The following ATR variants were observed in gnomAD, a reference collection of about 807,000 sequenced individuals.
ATR encodes the protein serine/threonine-protein kinase ATR.
A neutral mutation model predicts 305.3 loss-of-function variants in ATR; 142 were observed. The ratio of observed to expected loss-of-function variants is 0.47; its 90% CI spans 0.41 to 0.53. The LOEUF (loss-of-function observed/expected upper bound fraction) is 0.53. Ranked by LOEUF, ATR falls within the 20% of genes least tolerant of loss-of-function variation. The probability of loss-of-function intolerance (pLI) is 0.00; values close to 1 mark genes in which losing one functional copy is unlikely to be tolerated. For missense variants in ATR, 2,135 were observed against 3,133.1 expected (o/e 0.68, Z 7.60); for synonymous variants, 1,050 against 1,068.1 (o/e 0.98, Z 0.33).
chr3:142,511,046 C>G (rs2032527700), intron 27 of ATR, among the ~76,000 whole-genome samples: 1 of 151,928 alleles, frequency 6.6e-6, no homozygotes, highest in Non-Finnish European at 1.5e-5. Flanking sequence ...TCAAACACTA[C>G]TAGAGACAAG....
chr3:142,503,286 A>C, intron 30 of ATR, 76 bp downstream of exon 30: 1 of 1,023,958 alleles, frequency 9.8e-7, no homozygotes, highest in East Asian at 2.5e-5. Context: ...ACTAAACATT[A>C]AATTACCCAA....
chr3:142,568,254 A>G (rs2035138616), intron 1 of ATR, 100 bp from the exon 2 acceptor site: 2 of 837,928 alleles, frequency 2.4e-6, no homozygotes, highest in Admixed American at 2.1e-5. Context: ...GTTCAGTGTC[A>G]ATGTTGATAT....
In ATR at chr3:142,453,119, TCTA is replaced by T. The variant is rs1458639306; in HGVS notation, c.7761+6_7761+8del. 3 of 1,613,960 alleles carry T rather than the reference TCTA, an allele frequency of 1.9e-6. No homozygotes were observed. Among genetic ancestry groups the T allele is most frequent in the Non-Finnish European group, 1.7e-6 (2 of 1,179,994 alleles). On this transcript the variant is annotated splice_donor_region_variant and intron_variant, in intron 46 of 46. Coordinates refer to ENST00000350721, the MANE Select transcript of ATR (RefSeq NM_001184.4). The stretch of plus-strand genomic sequence containing the variant: ...CTACAGCCCATATCAAGCTATACCT[TCTA>T]CTAACCTTTTCATTGACAACTTCTC...
chr3:142,550,411 G>T, intron 13 of ATR, 109 bp from the exon 14 acceptor site: 1 of 1,180,424 alleles, frequency 8.5e-7, no homozygotes, highest in Non-Finnish European at 1.2e-6. Context: ...TACATTATCT[G>T]AATTGGTCCA....
Position 142,449,616 on chromosome 3 carries a change from A to G in ATR, c.7762-14T>C, listed in dbSNP as rs1025202518. The G allele has an allele frequency of 6.2e-7, 1 of 1,613,046 alleles. No homozygotes were observed. Among genetic ancestry groups the G allele is most frequent in the African/African-American group, 1.3e-5 (1 of 74,904 alleles). On this transcript the variant is annotated splice_polypyrimidine_tract_variant and intron_variant, in intron 46 of 46. Transcript: ENST00000350721. ...ATGGGTCTTGGCCTAAAAAGAAGAA[A>G]CATAAAACCAAAAACAGATGTTAAT...
At chr3:142,541,144 C>T in intron 17 of ATR, 110 bp from the exon 18 acceptor site, 1 of 1,336,394 alleles carries the variant, frequency 7.5e-7, no homozygotes, top group Non-Finnish European at 1.1e-6. Context: ...CATCTATTCT[C>T]AGATAATACA....
At chr3:142,450,566 C>G in intron 46 of ATR, 1 of 1,607,714 alleles carries the variant, frequency 6.2e-7, no homozygotes, top group Non-Finnish European at 8.5e-7. Context: ...GAAGCACAAA[C>G]TTCACGTTAC....
At chr3:142,510,733 A>C (rs1290641775) in intron 27 of ATR, among the ~76,000 whole-genome samples, 2 of 152,190 alleles carry the variant, frequency 1.3e-5, no homozygotes, top group Non-Finnish European at 2.9e-5. Context: ...GCCTGAAGGA[A>C]AAATACTTGA....
chr3:142,541,744 A>C (rs1052659508), intron 17 of ATR, among the ~76,000 whole-genome samples: 6 of 152,182 alleles, frequency 3.9e-5, no homozygotes, highest in Non-Finnish European at 8.8e-5. Context: ...AAACAATAGG[A>C]AAGAAGCCAT....
chr3:142,523,889 T>C (rs988615121), intron 22 of ATR, 104 bp downstream of exon 22: 2 of 1,211,302 alleles, frequency 1.7e-6, no homozygotes, highest in Non-Finnish European at 2.3e-6. Context: ...TGGTTCTAGG[T>C]GAAGCTTTTA....
intron 8 of ATR, 146 bp downstream of exon 8, chr3:142,558,478 C>T (rs1337546852): frequency 7.3e-5 from 50 of 687,856 alleles, no homozygotes; most frequent in Non-Finnish European, 9.0e-5. Context: ...GCCGAGATTG[C>T]GCCACTGCAC....
rs2108276346 is a variant in ATR, at chr3:142,468,071, G to A, written c.6553-3C>T. 1.2e-6 allele frequency: 2 copies of A among 1,611,540 alleles called. No individual in the cohort carries two copies. Among genetic ancestry groups the A allele is most frequent in the Non-Finnish European group, 1.7e-6 (2 of 1,178,912 alleles). On this transcript the variant is annotated splice_region_variant and splice_polypyrimidine_tract_variant and intron_variant, in intron 38 of 46. Coordinates refer to ENST00000350721, the MANE Select transcript of ATR (RefSeq NM_001184.4). ...TTCACACGCATGGGATAAGATGACT[G>A]TCATAAAAAAGAGTTAAATGTCATA...
chr3:142,528,430 T>A (rs1399756327), intron 21 of ATR, among the ~76,000 whole-genome samples: 1 of 152,132 alleles, frequency 6.6e-6, no homozygotes, highest in Non-Finnish European at 1.5e-5. Flanking sequence ...ATTATGGCAT[T>A]AAGCATTAAA....
chr3:142,550,160 T>C lies in ATR; in HGVS notation c.2948A>G (p.Asp983Gly). The C allele has an allele frequency of 6.2e-7, 1 of 1,614,156 alleles. No homozygotes were observed. The highest frequency in any genetic ancestry group is 1.1e-5 in the South Asian group (1 of 91,086). ...NTLSEIANVF[D>G]FPDLNRFLTR... is the part of the protein sequence containing the mutation. ...AAGAAAACGATTAAGATCAGGAAAG[T>C]CGAAAACGTTGGCAATTTCAGACAA... The change falls in exon 14 of 47, where the codon GAC becomes GGC. Residue 983 changes from aspartate (D) to glycine (G), a missense_variant. By Grantham distance (94) the Asp-to-Gly change is moderately conservative. Around this residue, in one of 9 missense-constraint regions of ATR, gnomAD observed 530 missense variants for 766.8 expected, o/e 0.69. Coordinates refer to ENST00000350721, the MANE Select transcript of ATR (RefSeq NM_001184.4).
intron 41 of ATR, among the ~76,000 whole-genome samples, chr3:142,463,400 T>TTTG (rs1010524711): frequency 1.3e-5 from 2 of 152,146 alleles, no homozygotes; most frequent in African/African-American, 4.8e-5. Flanking sequence ...ACAATACTTT[T>TTTG]TTGTTGTTGT....
rs144276304 is a variant in ATR at position 142,533,261 on chromosome 3, C to T, written c.3945+1819G>A. Among the ~76,000 whole-genome samples, 224 of 152,272 alleles carry T rather than the reference C, an allele frequency of 1.5e-3. 1 individual carries two copies. Among genetic ancestry groups the T allele is most frequent in the African/African-American group, 5.1e-3 (214 of 41,556 alleles). ...AGGGAGCTATCATCACACCCCTGTA[C>T]TGGAGAGACCCTGCCTCTAAAAGTA... On this transcript the variant is annotated intron_variant, in intron 21 of 46. Coordinates refer to ENST00000350721, the MANE Select transcript of ATR (RefSeq NM_001184.4).
intron 1 of ATR, among the ~76,000 whole-genome samples, chr3:142,577,296 G>A (rs1039587677): frequency 2.6e-5 from 4 of 152,166 alleles, no homozygotes; most frequent in African/African-American, 7.2e-5. Flanking sequence ...CAGGACTCAC[G>A]GAGGAAGACA....
At chr3:142,477,578 C>A (rs1483613135) in intron 36 of ATR, among the ~76,000 whole-genome samples, 1 of 152,144 alleles carries the variant, frequency 6.6e-6, no homozygotes, top group African/African-American at 2.4e-5. Flanking sequence ...CTCTGCCAGG[C>A]TTTGGTATCA....
chr3:142,462,332 T>A (rs933835448), intron 41 of ATR, among the ~76,000 whole-genome samples: 2 of 152,188 alleles, frequency 1.3e-5, no homozygotes, highest in Admixed American at 1.3e-4. Context: ...TTATTCACTA[T>A]TAATGTGACA....
Sources: allele counts gnomAD v4.1 joint callset (sites outside exome capture counted in the v4.1 genomes callset), GRCh38; gene constraint gnomAD v4.1.1; regional missense constraint gnomAD v4.1.1; transcripts MANE v1.5; gene names NCBI Gene and HGNC (gene_info 2026-07-23, HGNC 2026-07-21).